Variants in FREM2 observed in about 807,000 individuals in gnomAD.
FREM2 encodes the protein FRAS1-related extracellular matrix protein 2.
FREM2 carries 119 observed loss-of-function variants against 219.9 expected under a neutral mutation model. The ratio of observed to expected loss-of-function variants is 0.54; its 90% CI spans 0.47 to 0.63. The LOEUF is 0.63. Among genes scored for constraint, FREM2 ranks in the 30% least tolerant of loss-of-function variants. The pLI is 0.00. For missense variants in FREM2, 4,030 were observed against 3,993.6 expected, an observed-to-expected ratio of 1.01 and a Z score of -0.25; for synonymous variants, 1,562 against 1,522.8, an observed-to-expected ratio of 1.03 and a Z score of -0.60.
chr13:38,772,080 A>G (rs1482323675), intron 4 of FREM2, among the ~76,000 whole-genome samples: 1 of 152,080 alleles, frequency 6.6e-6, no homozygotes, highest in Non-Finnish European at 1.5e-5. Flanking sequence ...TTGCATATAA[A>G]TTCACCTGCC....
chr13:38,784,938 T>A, intron 6 of FREM2, 130 bp downstream of exon 6: 1 of 1,043,604 alleles, frequency 9.6e-7, no homozygotes, highest in East Asian at 2.6e-5. Flanking sequence ...GGTTTTTTCA[T>A]ATGATTAGGT....
Position 38,837,775 on chromosome 13 carries a change from G to GTTTTTTTTTTTTTTTTTTTTT in FREM2, c.6020-8794_6020-8793insTTTTTTTTTTTTTTTTTTTTT, listed in dbSNP as rs1555270912. Among the ~76,000 whole-genome samples the GTTTTTTTTTTTTTTTTTTTTT allele has an allele frequency of 2.3e-4, 30 of 128,872 alleles. 2 individuals carry two copies. The highest frequency in any genetic ancestry group is 6.0e-4 in the Admixed American group (7 of 11,600). The allele number at this position is 128,872 out of a possible 152,430, so 84.5% of individuals were successfully genotyped here. On this transcript the variant is annotated intron_variant, in intron 6 of 23. Coordinates refer to ENST00000280481, the MANE Select transcript of FREM2 (RefSeq NM_207361.6). ...GGATTGCAACCCCTGGTTTTTTTTT[G>GTTTTTTTTTTTTTTTTTTTTT]TTTTGTTTTGTTTTGTTTTTGCTTT...
intron 2 of FREM2, among the ~76,000 whole-genome samples, chr13:38,722,976 A>T (rs1431773376): frequency 6.6e-6 from 1 of 152,148 alleles, no homozygotes; most frequent in East Asian, 1.9e-4. Flanking sequence ...CCTGCCTATA[A>T]TCCCAGCACT....
intron 6 of FREM2, among the ~76,000 whole-genome samples, chr13:38,836,818 A>G (rs561572677): frequency 1.1e-4 from 16 of 151,974 alleles, no homozygotes; most frequent in Non-Finnish European, 2.1e-4. Context: ...TATTGTGTCT[A>G]TTTGATTCTT....
Position 38,687,582 on chromosome 13 carries a change from C to T in FREM2, c.238C>T (p.Arg80Trp), listed in dbSNP as rs779648158. The T allele has an allele frequency of 2.5e-6, 4 of 1,606,542 alleles. No individual in the cohort carries two copies. In the African/African-American group the frequency reaches 4.0e-5, roughly 16 times the overall value. The change falls in exon 1 of 24, where the codon CGG (arginine) becomes TGG (tryptophan). Residue 80 changes from arginine (R) to tryptophan (W), a missense_variant. Coordinates refer to ENST00000280481, the MANE Select transcript of FREM2 (RefSeq NM_207361.6). ...CATAGTGCTGGCGAACCGCGGACTC[C>T]GGGTGCCTTTCGGCCGTGAAGTCTG... ...EAIVLANRGLRVPFGREVWLD... is the reference protein window; with the variant it reads ...EAIVLANRGLWVPFGREVWLD...
chr13:38,859,690 C>T, intron 14 of FREM2, 100 bp downstream of exon 14: 1 of 1,127,050 alleles, frequency 8.9e-7, no homozygotes, highest in Non-Finnish European at 1.3e-6. Context: ...CCCACATATT[C>T]CATATATTTT....
Position 38,726,973 on chromosome 13 carries a change from A to G in FREM2, c.5263+29186A>G, listed in dbSNP as rs73459881. ...AGGTACTTTAATTAAATTGGTTGAA[A>G]TGAAAGGTGGTGATTGTCAAGCCTG... On this transcript the variant is annotated intron_variant, in intron 2 of 23. Transcript: ENST00000280481. Among the ~76,000 whole-genome samples, 775 of 152,328 alleles carry G rather than the reference A, an allele frequency of 5.1e-3. 12 individuals are homozygous for G. The highest frequency in any genetic ancestry group is 0.018 in the African/African-American group (740 of 41,576).
chr13:38,774,139 CGTT>C (rs1278528946), intron 4 of FREM2, among the ~76,000 whole-genome samples: 1 of 151,990 alleles, frequency 6.6e-6, no homozygotes, highest in Non-Finnish European at 1.5e-5. Flanking sequence ...ATCACTGTGA[CGTT>C]GTTTTACTTA....
intron 1 of FREM2, among the ~76,000 whole-genome samples, chr13:38,695,835 CT>C (rs1297267371): frequency 3.3e-5 from 5 of 152,140 alleles, no homozygotes; most frequent in Middle Eastern, 3.2e-3. Context: ...CCTACTCAGC[CT>C]TTTCATTTTA....
At chr13:38,723,240 AT>A (rs1372329922) in intron 2 of FREM2, among the ~76,000 whole-genome samples, 2 of 152,132 alleles carry the variant, frequency 1.3e-5, no homozygotes, top group African/African-American at 4.8e-5. Context: ...TCTTAAAAAA[AT>A]AAAAATAAAA....
In FREM2 at chr13:38,837,770, T is replaced by G. The variant is rs192430539; in HGVS notation, c.6020-8803T>G. On this transcript the variant is annotated intron_variant, in intron 6 of 23. Transcript: ENST00000280481. ...GACTAGGATTGCAACCCCTGGTTTT[T>G]TTTTGTTTTGTTTTGTTTTGTTTTT... Among the ~76,000 whole-genome samples, 96 of 144,134 alleles carry G rather than the reference T, an allele frequency of 6.7e-4. 2 individuals carry two copies. Among genetic ancestry groups the G allele is most frequent in the Admixed American group, 1.7e-3 (22 of 13,068 alleles). The allele number at this position is 144,134 out of a possible 152,430, so 94.6% of individuals were successfully genotyped here.
In FREM2 at chr13:38,688,541, T is replaced by C. The variant is rs1453284792; in HGVS notation, c.1197T>C (p.Ser399=). The C allele has an allele frequency of 8.7e-6, 14 of 1,613,790 alleles. No homozygotes were observed. Among genetic ancestry groups the C allele is most frequent in the Non-Finnish European group, 1.2e-5 (14 of 1,179,892 alleles). The change falls in exon 1 of 24, where the codon TCT becomes TCC. Residue 399 remains serine, a synonymous_variant. Transcript: ENST00000280481. ...TGAAGATTGCCTACCAGCCCCCTTC[T>C]GAAGACTCTGACCAGGAGCGCCTCT... The part of the protein sequence containing the change: ...RLLKIAYQPP[S]EDSDQERLFE...
Position 38,743,438 on chromosome 13 carries a change from A to G in FREM2, c.5264-20866A>G, listed in dbSNP as rs562354457. ...CAGGCCCCCAGCAGATTTCAAAATT[A>G]ATATTAGGATGGGAATAGAGAGTTT... On this transcript the variant is annotated intron_variant, in intron 2 of 23. Coordinates refer to ENST00000280481, the MANE Select transcript of FREM2 (RefSeq NM_207361.6). Among the ~76,000 whole-genome samples the G allele has an allele frequency of 1.2e-4, 18 of 152,174 alleles. No homozygotes were observed. In the East Asian group the frequency reaches 1.7e-3, roughly 15 times the overall value.
chr13:38,872,933 A>G lies in FREM2; in HGVS notation c.8175A>G (p.Gln2725=). Residue 2725 remains glutamine (Q), a splice_region_variant and synonymous_variant, in exon 17 of 24, where the codon CAA becomes CAG. Transcript: ENST00000280481. ...GIGSPPEAEL[Q]GSLYPTSMRI... is the part of the protein sequence containing the mutation. ...GCAGCCCCCCAGAGGCTGAACTTCAAGGTGAGTTCAGAAGACTTGGAAAAT... is the reference window on the plus strand; with the variant it reads ...GCAGCCCCCCAGAGGCTGAACTTCAGGGTGAGTTCAGAAGACTTGGAAAAT... 3 of 1,612,852 alleles carry G rather than the reference A, an allele frequency of 1.9e-6. No individual in the cohort carries two copies. The South Asian group carries it at 3.3e-5, about 18-fold the overall frequency.
chr13:38,752,621 CTTA>C (rs1872824181), intron 2 of FREM2, among the ~76,000 whole-genome samples: 1 of 152,136 alleles, frequency 6.6e-6, no homozygotes, highest in Non-Finnish European at 1.5e-5. Context: ...AAAATGTTTT[CTTA>C]TTAACTGTCA....
In FREM2 at chr13:38,880,419, A is replaced by G; in HGVS notation, c.9142A>G (p.Lys3048Glu). Reference sequence around the variant, plus strand: ...TCAAGGAAAGCCCCAATCCACCACCAAGAGCCGGAAGAAGAGAGAGATCAG... The same window carrying G: ...TCAAGGAAAGCCCCAATCCACCACCGAGAGCCGGAAGAAGAGAGAGATCAG... ...VSQGKPQSTT[K>E]SRKKREIRST... Residue 3048 changes from lysine (K) to glutamate (E), a missense_variant, in exon 24 of 24, where the codon AAG becomes GAG. Coordinates refer to ENST00000280481, the MANE Select transcript of FREM2 (RefSeq NM_207361.6). 6.2e-7 allele frequency: 1 copy of G among 1,614,140 alleles called. No individual in the cohort carries two copies. The highest frequency in any genetic ancestry group is 8.5e-7 in the Non-Finnish European group (1 of 1,180,016).
intron 6 of FREM2, among the ~76,000 whole-genome samples, chr13:38,815,283 A>G (rs747945153): frequency 6.6e-6 from 1 of 152,136 alleles, no homozygotes; most frequent in Non-Finnish European, 1.5e-5. Context: ...TGAAATTTTC[A>G]GGCATTTTGT....
rs966489514 is a variant in FREM2 at position 38,692,415 on chromosome 13, A to C, written c.5071A>C (p.Ser1691Arg). 3.1e-6 allele frequency: 5 copies of C among 1,613,192 alleles called. No homozygotes were observed. In the African/African-American group the frequency reaches 4.0e-5, roughly 13 times the overall value. ...AATATTGAAAGTGGAGGACAGAGAC[A>C]GCTTACACATTTCTCTTAGATTTAT... The part of the protein sequence containing the change: ...SKILKVEDRD[S>R]LHISLRFIVT... The change falls in exon 1 of 24, where the codon AGC becomes CGC. Residue 1691 changes from serine to arginine, a missense_variant. By Grantham distance (110) the Ser-to-Arg change is moderately radical. This residue lies in a region of FREM2 where 3,102 missense variants were observed against 2,950.7 expected (regional missense o/e 1.05). Coordinates refer to ENST00000280481, the MANE Select transcript of FREM2 (RefSeq NM_207361.6).
At position 38,864,513 on chromosome 13, in the gene FREM2, G is replaced by A; in HGVS notation, c.7890G>A (p.Leu2630=). Residue 2630 remains leucine (L), a synonymous_variant, in exon 16 of 24, where the codon CTG becomes CTA. Transcript: ENST00000280481. The part of the protein sequence containing the change: ...GSTTLRFYRN[L]NLEACLWEFV... ...CTACCTTGCGCTTCTACCGGAACCT[G>A]AACCTAGAGGCCTGTTTATGGGAGT... The A allele has an allele frequency of 6.2e-7, 1 of 1,614,204 alleles. No individual in the cohort carries two copies. The highest frequency in any genetic ancestry group is 8.5e-7 in the Non-Finnish European group (1 of 1,180,028).
Sources: allele counts gnomAD v4.1 joint callset (sites outside exome capture counted in the v4.1 genomes callset), GRCh38; gene constraint gnomAD v4.1.1; regional missense constraint gnomAD v4.1.1; transcripts MANE v1.5; gene names NCBI Gene and HGNC (gene_info 2026-07-23, HGNC 2026-07-21).